AHSA1: variants seen among roughly 807,000 people sequenced by gnomAD.
AHSA1 encodes the protein activator of 90 kDa heat shock protein ATPase homolog 1.
AHSA1 carries 14 observed loss-of-function variants against 46.1 expected under a neutral mutation model. That is an observed-to-expected ratio of 0.30 (90% CI 0.20 to 0.47). The LOEUF (loss-of-function observed/expected upper bound fraction) is 0.47. Ranked by LOEUF, AHSA1 falls within the 20% of genes least tolerant of loss-of-function variation. The pLI is 0.99. For missense variants in AHSA1, 333 were observed against 415.9 expected, an observed-to-expected ratio of 0.80 and a Z score of 1.73; for synonymous variants, 147 against 145.8, an observed-to-expected ratio of 1.01 and a Z score of -0.06.
At chr14:77,467,331 C>T (rs935905758) in intron 6 of AHSA1, among the ~76,000 whole-genome samples, 2 of 151,750 alleles carry the variant, frequency 1.3e-5, no homozygotes, top group African/African-American at 4.8e-5. Flanking sequence ...CTTAGGAGGT[C>T]GGGGCTGCAG....
At position 77,464,594 on chromosome 14, in the gene AHSA1, T is replaced by C; in HGVS notation, c.473-4T>C. ...TTCCATGAGCTGGAATTTTATCTTT[T>C]CAGAGTTCACCCAGGGCATGATCTT... On this transcript the variant is annotated splice_region_variant and splice_polypyrimidine_tract_variant and intron_variant, in intron 4 of 8. Coordinates refer to ENST00000216479, the MANE Select transcript of AHSA1 (RefSeq NM_012111.3). 6.2e-7 allele frequency: 1 copy of C among 1,611,504 alleles called. No homozygotes were observed. The highest frequency in any genetic ancestry group is 1.1e-5 in the South Asian group (1 of 90,490).
At position 77,468,476 on chromosome 14, in the gene AHSA1, T is replaced by A; in HGVS notation, c.812T>A (p.Val271Glu). 6.2e-7 allele frequency: 1 copy of A among 1,613,462 alleles called. No homozygotes were observed. The highest frequency in any genetic ancestry group is 1.1e-5 in the South Asian group (1 of 91,036). ...TTTTAGGTCCCTGAGAAACATATTG[T>A]GATGAAGTGGAGGTTTAAATCTTGG... Reference protein sequence around the residue: ...FTDLVPEKHIVMKWRFKSWPE... With the variant: ...FTDLVPEKHIEMKWRFKSWPE... The change falls in exon 8 of 9, where the codon GTG (valine) becomes GAG (glutamate). Residue 271 changes from valine (V) to glutamate (E), a missense_variant. By Grantham distance (121) the Val-to-Glu change is moderately radical (BLOSUM62 -2). Transcript: ENST00000216479.
rs569638464 is a variant in AHSA1 at position 77,467,938 on chromosome 14, G to A, written c.691-145G>A. ...CTGGCTGGTATTAAAACAGAATAGA[G>A]GGACACCCTGGACCCGCCTGTGGGG... On this transcript the variant is annotated intron_variant, in intron 6 of 8. Transcript: ENST00000216479. The A allele has an allele frequency of 3.4e-4, 193 of 574,166 alleles. 2 individuals are homozygous for A. The East Asian group carries it at 5.6e-3, about 17-fold the overall frequency. 35.6% of individuals were successfully genotyped at this position (574,166 alleles called of 1,614,324 possible). A position where few individuals can be genotyped will look rare whatever the true frequency, so the allele number is the denominator to read the frequency against.
At chr14:77,464,821 C>CTGAA in intron 5 of AHSA1, 135 bp downstream of exon 5, 2 of 709,096 alleles carry the variant, frequency 2.8e-6, no homozygotes, top group Non-Finnish European at 4.6e-6. Context: ...GGTGCTTTTT[C>CTGAA]AGAGCGCCTG....
Position 77,462,726 on chromosome 14 carries a change from G to A in AHSA1, c.439G>A (p.Ala147Thr), listed in dbSNP as rs1339041287. The A allele has an allele frequency of 5.6e-6, 9 of 1,614,076 alleles. No individual in the cohort carries two copies. The highest frequency in any genetic ancestry group is 7.6e-6 in the Non-Finnish European group (9 of 1,180,010). ...AGAAGGGGTGAAACTTCTAAGAGAA[G>A]CAATGGGAATTTACATCAGCACCCT... ...KEEGVKLLRE[A>T]MGIYISTLKT... The change falls in exon 4 of 9, where the codon GCA (alanine) becomes ACA (threonine). Residue 147 changes from alanine (A) to threonine (T), a missense_variant. Transcript: ENST00000216479.
intron 2 of AHSA1, among the ~76,000 whole-genome samples, chr14:77,460,983 C>T (rs2079020653): frequency 6.7e-6 from 1 of 148,898 alleles, no homozygotes; most frequent in South Asian, 2.2e-4. Context: ...CACAGTGAAA[C>T]CCCGTCTCTA....
At position 77,468,049 on chromosome 14, in the gene AHSA1, C is replaced by CTTTTTTTTT. The variant is rs150175578; in HGVS notation, c.691-33_691-32insTTTTTTTTT. 2.3e-5 allele frequency: 17 copies of CTTTTTTTTT among 723,820 alleles called. 5 individuals are homozygous for CTTTTTTTTT. Among genetic ancestry groups the CTTTTTTTTT allele is most frequent in the South Asian group, 4.4e-5 (2 of 45,616 alleles). The allele number at this position is 723,820 out of a possible 1,614,324, so 44.8% of individuals were successfully genotyped here. A position where few individuals can be genotyped will look rare whatever the true frequency, so the allele number is the denominator to read the frequency against. On this transcript the variant is annotated intron_variant, in intron 6 of 8. Transcript: ENST00000216479. ...CCACTGAAAGCCATGTATCTTCTGCCTCTTTTTTTTTTTTTTTTTTTTTTT... is the reference window on the plus strand; with the variant it reads ...CCACTGAAAGCCATGTATCTTCTGCCTTTTTTTTTTCTTTTTTTTTTTTTTTTTTTTTTT...
intron 2 of AHSA1, among the ~76,000 whole-genome samples, chr14:77,461,598 T>C (rs879919306): frequency 4.0e-5 from 6 of 151,886 alleles, no homozygotes; most frequent in Admixed American, 1.3e-4. Flanking sequence ...AGAAGGAGAG[T>C]CATCCACAAT....
At chr14:77,468,755 C>CTTTTTTTTTT (rs770728219) in intron 8 of AHSA1, 87 of 327,386 alleles carry the variant, frequency 2.7e-4, no homozygotes, top group African/African-American at 1.0e-3. Flanking sequence ...TACTTTTTTA[C>CTTTTTTTTTT]TTTTTTTGTA....
At chr14:77,467,609 C>G (rs2139944022) in intron 6 of AHSA1, among the ~76,000 whole-genome samples, 1 of 152,042 alleles carries the variant, frequency 6.6e-6, no homozygotes, top group East Asian at 1.9e-4. Flanking sequence ...CAGAGAATTG[C>G]TTAAAACCTG....
intron 1 of AHSA1, 130 bp downstream of exon 1, chr14:77,458,399 C>T: frequency 2.2e-6 from 2 of 911,786 alleles, no homozygotes; most frequent in South Asian, 1.7e-5. Flanking sequence ...GTGGGTCCTT[C>T]CTGTGGCAGG....
rs867257338 is a variant in AHSA1, at chr14:77,468,134, G to T, written c.742G>T (p.Gly248Ter). 1 of 1,564,886 alleles carries T rather than the reference G, an allele frequency of 6.4e-7. No individual in the cohort carries two copies. The highest frequency in any genetic ancestry group is 2.3e-5 in the East Asian group (1 of 43,180). The part of the protein sequence containing the change: ...APATLEADRG[G>*]KFHMVDGNVS... ...TGCAACATTAGAAGCAGACAGAGGT[G>T]GAAAGTTCCACATGGTAGATGGCAA... The change falls in exon 7 of 9, where the codon GGA (glycine) becomes TGA (stop). Residue 248 changes from glycine to a stop codon, truncating the protein, a stop_gained. Coordinates refer to ENST00000216479, the MANE Select transcript of AHSA1 (RefSeq NM_012111.3). LOFTEE classifies it high-confidence loss of function.
At position 77,469,429 on chromosome 14, in the gene AHSA1, T is replaced by C; in HGVS notation, c.*180T>C. ...CTGGGTGGGTTCAGAGGGCAATTTC[T>C]CTTTTATGTGTACATATGCTAAATA... On this transcript the variant is annotated 3_prime_UTR_variant, in exon 9 of 9. Coordinates refer to ENST00000216479, the MANE Select transcript of AHSA1 (RefSeq NM_012111.3). The C allele has an allele frequency of 1.6e-6, 1 of 617,068 alleles. No individual in the cohort carries two copies. Among genetic ancestry groups the C allele is most frequent in the Non-Finnish European group, 2.8e-6 (1 of 360,260 alleles). The allele number at this position is 617,068 out of a possible 1,614,324, so 38.2% of individuals were successfully genotyped here. A position where few individuals can be genotyped will look rare whatever the true frequency, so the allele number is the denominator to read the frequency against.
upstream of AHSA1, chr14:77,457,978 C>T: frequency 1.9e-6 from 1 of 529,726 alleles, no homozygotes; most frequent in Non-Finnish European, 3.3e-6. Flanking sequence ...CAGGCGGAAC[C>T]CACGGTGCGG....
Position 77,464,634 on chromosome 14 carries a change from G to A in AHSA1, c.509G>A (p.Gly170Glu). Residue 170 changes from glycine (G) to glutamate (E), a missense_variant, in exon 5 of 9, where the codon GGA becomes GAA. Gly to Glu is a moderately conservative substitution (Grantham distance 98). Coordinates refer to ENST00000216479, the MANE Select transcript of AHSA1 (RefSeq NM_012111.3). ...GGCATGATCTTACCTACAATGAATG[G>A]AGAGTCAGTAGACCCAGTGGGGCAG... is the stretch of plus-strand genomic sequence containing the variant. ...TQGMILPTMN[G>E]ESVDPVGQPA... 6.2e-7 allele frequency: 1 copy of A among 1,614,056 alleles called. No individual in the cohort carries two copies. The highest frequency in any genetic ancestry group is 1.7e-5 in the Admixed American group (1 of 59,998).
chr14:77,457,951 C>G, upstream of AHSA1: 2 of 527,808 alleles, frequency 3.8e-6, no homozygotes, highest in Non-Finnish European at 3.3e-6. Flanking sequence ...CCGATGGAGT[C>G]TGAAGGATCT....
In AHSA1 at chr14:77,465,682, T is replaced by C; in HGVS notation, c.690+15T>C. The C allele has an allele frequency of 6.8e-6, 11 of 1,612,528 alleles. No individual in the cohort carries two copies. Among genetic ancestry groups the C allele is most frequent in the Non-Finnish European group, 9.3e-6 (11 of 1,178,826 alleles). On this transcript the variant is annotated intron_variant, in intron 6 of 8. Coordinates refer to ENST00000216479, the MANE Select transcript of AHSA1 (RefSeq NM_012111.3). ...CCACCCAAGAGGTAAGTAAGTCTTG[T>C]CCTTCAGGCCTCATGCCATCTGCCC...
chr14:77,459,678 A>G lies in AHSA1; in HGVS notation c.143A>G (p.Gln48Arg), dbSNP rs1458725426. The G allele has an allele frequency of 3.1e-6, 5 of 1,614,242 alleles. No homozygotes were observed. In the South Asian group the frequency reaches 4.4e-5, roughly 14 times the overall value. ...DKLKTLFLAV[Q>R]VQNEEGKCEV... is the part of the protein sequence containing the mutation. ...CTGAAAACACTGTTCCTGGCAGTGC[A>G]GGTTCAAAATGAAGAAGGCAAGTGT... is the stretch of plus-strand genomic sequence containing the variant. Residue 48 changes from glutamine to arginine, a missense_variant, in exon 2 of 9, where the codon CAG becomes CGG. Gln to Arg is a conservative substitution (Grantham distance 43, BLOSUM62 1). Transcript: ENST00000216479.
rs948223291 is a variant in AHSA1, at chr14:77,469,193, C to T, written c.961C>T (p.Arg321Trp). ...AGAGCGGACGCGACAGGGCTGGCAG[C>T]GGTACTACTTTGAGGGCATTAAACA... Reference protein sequence around the residue: ...EEERTRQGWQRYYFEGIKQTF... With the variant: ...EEERTRQGWQWYYFEGIKQTF... The change falls in exon 9 of 9, where the codon CGG becomes TGG. Residue 321 changes from arginine to tryptophan, a missense_variant. Physicochemically the swap from Arg to Trp is moderately radical, Grantham distance 101 (BLOSUM62 -3). Coordinates refer to ENST00000216479, the MANE Select transcript of AHSA1 (RefSeq NM_012111.3). 8.7e-6 allele frequency: 14 copies of T among 1,613,868 alleles called. No homozygotes were observed. In the East Asian group the frequency reaches 1.1e-4, roughly 13 times the overall value.
Sources: allele counts gnomAD v4.1 joint callset (sites outside exome capture counted in the v4.1 genomes callset), GRCh38; gene constraint gnomAD v4.1.1; transcripts MANE v1.5; gene names NCBI Gene and HGNC (gene_info 2026-07-23, HGNC 2026-07-21).